Variants in RCOR1 observed in about 807,000 individuals in gnomAD.
RCOR1 encodes REST corepressor.
Under a neutral mutation model 64.0 loss-of-function variants are expected in RCOR1, and 12 were observed. That is an observed-to-expected ratio of 0.19 (90% CI 0.12 to 0.30). RCOR1 has a LOEUF of 0.30. RCOR1 is among the 10% of genes least tolerant of loss of function. The pLI, the probability that RCOR1 is intolerant of heterozygous loss-of-function variation, is 1.00. For synonymous variants in RCOR1, 279 were observed against 227.2 expected (o/e 1.23, Z -2.05); for missense variants, 502 against 621.2 (o/e 0.81, Z 2.04).
At position 102,592,945 on chromosome 14, in the gene RCOR1, ACGCGGCCGCCTCCGCCTCCGC is replaced by A; in HGVS notation, c.63_83del (p.Ser26_Ala32del). The stretch of plus-strand genomic sequence containing the variant: ...TCAGGGAAGCGGAGAGGGAGGAACA[ACGCGGCCGCCTCCGCCTCCGC>A]CGCCGCCGCCTCCGCCGCCGCCTCG... On this transcript the variant is annotated inframe_deletion, in exon 1 of 12. Coordinates refer to ENST00000262241, the MANE Select transcript of RCOR1 (RefSeq NM_015156.4). 1.7e-6 allele frequency: 2 copies of A among 1,203,422 alleles called. No homozygotes were observed. The highest frequency in any genetic ancestry group is 2.1e-6 in the Non-Finnish European group (2 of 964,312). 74.5% of individuals were successfully genotyped at this position (1,203,422 alleles called of 1,614,324 possible). A position where few individuals can be genotyped will look rare whatever the true frequency, so the allele number is the denominator to read the frequency against.
At chr14:102,677,124 A>C (rs1170611446) in intron 2 of RCOR1, among the ~76,000 whole-genome samples, 5 of 89,174 alleles carry the variant, frequency 5.6e-5, no homozygotes, top group South Asian at 3.9e-4. Context: ...GGAGCCCCTC[A>C]CCTCCCGGAC....
intron 2 of RCOR1, among the ~76,000 whole-genome samples, chr14:102,632,262 G>C (rs943967473): frequency 8.7e-5 from 13 of 149,764 alleles, no homozygotes; most frequent in Non-Finnish European, 1.5e-4. Flanking sequence ...TGTCACCCAG[G>C]CTGGAGTGCA....
chr14:102,636,700 T>C (rs887261909), intron 2 of RCOR1, among the ~76,000 whole-genome samples: 2 of 151,966 alleles, frequency 1.3e-5, no homozygotes, highest in Non-Finnish European at 2.9e-5. Context: ...CTGGGTGCAG[T>C]GGCTCACACC....
At chr14:102,708,379 C>T (rs1291997585) in intron 5 of RCOR1, 86 bp from the exon 6 acceptor site, 15 of 772,938 alleles carry the variant, frequency 1.9e-5, no homozygotes, top group Admixed American at 1.3e-4. Flanking sequence ...GGATTACAGG[C>T]GTGAGCCGCT....
rs1411896843 is a variant in RCOR1, at chr14:102,728,796, G to C, written c.*2290G>C. ...ACCTGGGCTTTCTCCCCGAGAGGAA[G>C]GGGCATGTCATTTTTATTTGACAGA... On this transcript the variant is annotated 3_prime_UTR_variant, in exon 12 of 12. Transcript: ENST00000262241. 2 of 152,118 alleles carry C rather than the reference G, an allele frequency of 1.3e-5. No individual in the cohort carries two copies. The highest frequency in any genetic ancestry group is 3.8e-4 in the East Asian group (2 of 5,200). 9.4% of individuals were successfully genotyped at this position (152,118 alleles called of 1,614,324 possible). A position where few individuals can be genotyped will look rare whatever the true frequency, so the allele number is the denominator to read the frequency against.
At chr14:102,608,761 G>GT (rs1893567281) in intron 2 of RCOR1, among the ~76,000 whole-genome samples, 1 of 150,944 alleles carries the variant, frequency 6.6e-6, no homozygotes, top group African/African-American at 2.5e-5. Context: ...GACGGGGTTT[G>GT]TTTATGTTGG....
chr14:102,725,133 G>T (rs1362868570), intron 11 of RCOR1, among the ~76,000 whole-genome samples: 1 of 152,138 alleles, frequency 6.6e-6, no homozygotes, highest in Non-Finnish European at 1.5e-5. Flanking sequence ...CTGAAGAAAG[G>T]ATGCCATGGA....
At chr14:102,599,716 G>GT (rs1893344670) in intron 2 of RCOR1, among the ~76,000 whole-genome samples, 1 of 151,156 alleles carries the variant, frequency 6.6e-6, no homozygotes, top group African/African-American at 2.4e-5. Flanking sequence ...CCTTTCATTT[G>GT]TTTTCACTGG....
At chr14:102,625,231 CTTTT>C (rs61403856) in intron 2 of RCOR1, among the ~76,000 whole-genome samples, 2 of 79,178 alleles carry the variant, frequency 2.5e-5, no homozygotes, top group Non-Finnish European at 2.2e-5. Flanking sequence ...TATCTTGTTA[CTTTT>C]TTTTTTTTTT....
chr14:102,688,433 A>G lies in RCOR1; in HGVS notation c.445+6455A>G, dbSNP rs1895465642. The stretch of plus-strand genomic sequence containing the variant: ...AGGATCTCTTGACGGAGTTTTAGCT[A>G]GAACTGATATGATTTACACTGAAAA... On this transcript the variant is annotated intron_variant, in intron 3 of 11. Coordinates refer to ENST00000262241, the MANE Select transcript of RCOR1 (RefSeq NM_015156.4). Among the ~76,000 whole-genome samples, 4 of 152,318 alleles carry G rather than the reference A, an allele frequency of 2.6e-5. No individual in the cohort carries two copies. In the South Asian group the frequency reaches 8.3e-4, roughly 32 times the overall value.
intron 2 of RCOR1, among the ~76,000 whole-genome samples, chr14:102,673,167 C>T (rs1331741966): frequency 2.0e-5 from 3 of 151,932 alleles, no homozygotes; most frequent in African/African-American, 7.3e-5. Flanking sequence ...TTAAATGTAC[C>T]CCATAACTAA....
chr14:102,680,796 C>G (rs1175007889), intron 2 of RCOR1, among the ~76,000 whole-genome samples: 1 of 152,144 alleles, frequency 6.6e-6, no homozygotes, highest in Non-Finnish European at 1.5e-5. Context: ...CTGAGTGAGA[C>G]TGTCTCAAAA....
chr14:102,670,067 C>T (rs1192428223), intron 2 of RCOR1, among the ~76,000 whole-genome samples: 1 of 152,190 alleles, frequency 6.6e-6, no homozygotes, highest in East Asian at 1.9e-4. Flanking sequence ...TCTCCGGCCT[C>T]AGCCTCCTGA....
chr14:102,672,148 A>T (rs1895043386), intron 2 of RCOR1, among the ~76,000 whole-genome samples: 1 of 152,082 alleles, frequency 6.6e-6, no homozygotes, highest in Non-Finnish European at 1.5e-5. Context: ...ACAAATTATT[A>T]TGTGGATATA....
intron 2 of RCOR1, among the ~76,000 whole-genome samples, chr14:102,599,082 C>T (rs1291822729): frequency 6.6e-6 from 1 of 152,026 alleles, no homozygotes; most frequent in Non-Finnish European, 1.5e-5. Flanking sequence ...TTCTTTCCTA[C>T]ATAAGCAAAG....
chr14:102,722,432 AAC>A lies in RCOR1; in HGVS notation c.1419+18_1419+19del. The stretch of plus-strand genomic sequence containing the variant: ...GGAAGACGAGGTAAATCTGAAACAA[AAC>A]AGTCACTTCTCTTGTCAGGTTCACG... On this transcript the variant is annotated intron_variant, in intron 11 of 11. Transcript: ENST00000262241. 6.3e-7 allele frequency: 1 copy of A among 1,588,050 alleles called. No homozygotes were observed. Among genetic ancestry groups the A allele is most frequent in the Non-Finnish European group, 8.6e-7 (1 of 1,158,596 alleles).
intron 2 of RCOR1, among the ~76,000 whole-genome samples, chr14:102,668,965 A>G (rs1260270585): frequency 6.6e-6 from 1 of 152,192 alleles, no homozygotes; most frequent in Non-Finnish European, 1.5e-5. Context: ...ATTTGTTCCA[A>G]TTTAAACTTT....
intron 2 of RCOR1, among the ~76,000 whole-genome samples, chr14:102,649,484 G>T (rs1178626751): frequency 1.3e-5 from 2 of 152,148 alleles, no homozygotes; most frequent in African/African-American, 4.8e-5. Flanking sequence ...ATCCTCTCTT[G>T]TAGTTTGTCA....
chr14:102,672,071 G>A (rs987125661), intron 2 of RCOR1, among the ~76,000 whole-genome samples: 1 of 152,074 alleles, frequency 6.6e-6, no homozygotes, highest in Admixed American at 6.6e-5. Context: ...TTATTCAATC[G>A]GTTGATGGGC....
Sources: allele counts gnomAD v4.1 joint callset (sites outside exome capture counted in the v4.1 genomes callset), GRCh38; gene constraint gnomAD v4.1.1; transcripts MANE v1.5; gene names NCBI Gene and HGNC (gene_info 2026-07-23, HGNC 2026-07-21).